The following GSDMC variants were observed in gnomAD, a reference collection of about 807,000 sequenced individuals.
GSDMC encodes the protein gasdermin C, also known as gasdermin-C.
Under a neutral mutation model 58.0 loss-of-function variants are expected in GSDMC, and 59 were observed. The ratio of observed to expected loss-of-function variants is 1.02; its 90% CI spans 0.82 to 1.26. GSDMC has a LOEUF of 1.26. GSDMC is among the 50% of genes most tolerant of loss of function. The pLI, the probability that GSDMC is intolerant of heterozygous loss-of-function variation, is 0.00. For missense variants in GSDMC, 659 were observed against 598.5 expected, an observed-to-expected ratio of 1.10 and a Z score of -1.06; for synonymous variants, 241 against 220.2, an observed-to-expected ratio of 1.09 and a Z score of -0.83.
rs764439780 is a variant in GSDMC, at chr8:129,752,832, G to A, written c.722-12C>T. The A allele has an allele frequency of 1.9e-6, 3 of 1,613,944 alleles. No homozygotes were observed. The highest frequency in any genetic ancestry group is 2.2e-5 in the South Asian group (2 of 91,074). On this transcript the variant is annotated splice_polypyrimidine_tract_variant and intron_variant, in intron 6 of 13. Transcript: ENST00000276708. ...GGAAATTTCGTACTCTTGGGAGAGA[G>A]GGAGAGCAGAATGACTGGGTAACTT...
the GSDMC span, among the ~76,000 whole-genome samples, chr8:129,741,241 T>C: frequency 2.0e-5 from 3 of 152,136 alleles, no homozygotes; most frequent in Admixed American, 1.3e-4. Context: ...GTTTTGATTA[T>C]AATATCTTTA....
downstream of GSDMC, among the ~76,000 whole-genome samples, chr8:129,744,327 C>T (rs2032921632): frequency 6.6e-6 from 1 of 152,070 alleles, no homozygotes; most frequent in African/African-American, 2.4e-5. Context: ...TCACTAAAAG[C>T]TATTTAATCA....
chr8:129,723,987 T>C, the GSDMC span, among the ~76,000 whole-genome samples: 76 of 152,362 alleles, frequency 5.0e-4, no homozygotes, highest in East Asian at 0.013. Context: ...AATTAATATG[T>C]GGGCACAAAA....
intron 1 of GSDMC, among the ~76,000 whole-genome samples, chr8:129,778,535 T>C (rs2034315308): frequency 6.6e-6 from 1 of 152,118 alleles, no homozygotes; most frequent in South Asian, 2.1e-4. Flanking sequence ...GGCAATACCA[T>C]TCTGGACATA....
the GSDMC span, among the ~76,000 whole-genome samples, chr8:129,740,019 T>A: frequency 6.6e-6 from 1 of 152,170 alleles, no homozygotes; most frequent in Non-Finnish European, 1.5e-5. Flanking sequence ...TGTGTGTGTG[T>A]TTGTGTCTTC....
chr8:129,709,590 TGATAGATAGATAGATAGATA>T, the GSDMC span, among the ~76,000 whole-genome samples: 32 of 146,148 alleles, frequency 2.2e-4, no homozygotes, highest in Admixed American at 6.2e-4. Context: ...GATAGATAGA[TGATAGATAGATAGATAGATA>T]GATAGATAGA....
intron 10 of GSDMC, 80 bp from the exon 11 acceptor site, chr8:129,750,650 C>T (rs2033153353): frequency 1.7e-5 from 25 of 1,433,640 alleles, no homozygotes; most frequent in Non-Finnish European, 2.4e-5. Context: ...AGCCTGTTTG[C>T]ACGAATATGA....
chr8:129,780,281 G>C (rs948655576), intron 1 of GSDMC, among the ~76,000 whole-genome samples: 3 of 151,954 alleles, frequency 2.0e-5, no homozygotes, highest in Non-Finnish European at 4.4e-5. Context: ...TCAAGTACAA[G>C]GTACAAGAAG....
At chr8:129,770,333 A>G (rs1415887624) in intron 3 of GSDMC, among the ~76,000 whole-genome samples, 1 of 112,304 alleles carries the variant, frequency 8.9e-6, no homozygotes, top group African/African-American at 2.7e-5. Context: ...TGTCTCTACT[A>G]AAAATACAAA....
chr8:129,726,414 G>A, the GSDMC span, among the ~76,000 whole-genome samples: 1 of 152,098 alleles, frequency 6.6e-6, no homozygotes, highest in Non-Finnish European at 1.5e-5. Flanking sequence ...GAGAGGAGAT[G>A]GCCTTGAATT....
At chr8:129,717,809 G>T in the GSDMC span, among the ~76,000 whole-genome samples, 3 of 152,174 alleles carry the variant, frequency 2.0e-5, no homozygotes, top group Admixed American at 2.0e-4. Context: ...TATAGTACTG[G>T]TACCAAAATA....
At chr8:129,777,710 C>T (rs2034284644) in intron 1 of GSDMC, 119 bp from the exon 2 acceptor site, 1 of 657,900 alleles carries the variant, frequency 1.5e-6, no homozygotes, top group South Asian at 1.8e-5. Flanking sequence ...CAGGTCTTTA[C>T]TTAAAATAGT....
chr8:129,717,252 T>C, the GSDMC span, among the ~76,000 whole-genome samples: 1 of 27,216 alleles, frequency 3.7e-5, no homozygotes, highest in South Asian at 1.2e-3. Context: ...GTCCTGGGCT[T>C]TTTTTTTTTT....
chr8:129,771,453 A>G (rs961796871), intron 3 of GSDMC, among the ~76,000 whole-genome samples: 7 of 152,260 alleles, frequency 4.6e-5, no homozygotes, highest in African/African-American at 1.7e-4. Flanking sequence ...TTAAGAAGAC[A>G]GAAATTATTT....
At chr8:129,715,665 T>C in the GSDMC span, among the ~76,000 whole-genome samples, 2 of 152,268 alleles carry the variant, frequency 1.3e-5, no homozygotes, top group African/African-American at 4.8e-5. Context: ...CAAAGCTGCA[T>C]TACAAGAAAT....
intron 7 of GSDMC, 40 bp from the exon 8 acceptor site, chr8:129,752,187 G>A: frequency 1.3e-6 from 2 of 1,516,814 alleles, no homozygotes; most frequent in Non-Finnish European, 1.8e-6. Context: ...CCAAACATTA[G>A]TCTACCCCTA....
the GSDMC span, chr8:129,729,220 C>A: frequency 3.1e-6 from 2 of 642,952 alleles, no homozygotes; most frequent in Admixed American, 3.9e-5. Flanking sequence ...ATTTTGAGAC[C>A]CTGGAATATT....
the GSDMC span, chr8:129,728,769 G>T: frequency 3.9e-6 from 2 of 508,604 alleles, no homozygotes; most frequent in Non-Finnish European, 7.4e-6. Flanking sequence ...CTTGCCGAGG[G>T]CTCTGCCTGG....
chr8:129,739,611 G>C, the GSDMC span, among the ~76,000 whole-genome samples: 2 of 152,164 alleles, frequency 1.3e-5, no homozygotes, highest in South Asian at 4.1e-4. Context: ...TGCTGACGTT[G>C]TAGCTGTCCT....
Sources: gnomAD v4.1 joint callset for allele counts (sites outside exome capture counted in the v4.1 genomes callset) on GRCh38, gnomAD v4.1.1 for gene constraint, MANE v1.5 for transcripts, NCBI Gene and HGNC (gene_info 2026-07-23, HGNC 2026-07-21) for gene names.